CDPF1: variants seen among roughly 807,000 people sequenced by gnomAD.
CDPF1 encodes the protein cysteine-rich DPF motif domain-containing protein 1.
A neutral mutation model predicts 8.3 loss-of-function variants in CDPF1; 8 were observed. The ratio of observed to expected loss-of-function variants is 0.96; its 90% CI spans 0.57 to 1.74. The LOEUF is 1.74. Ranked by LOEUF, CDPF1 falls within the 40% of genes most tolerant of loss-of-function variation. The probability of loss-of-function intolerance (pLI) is 0.00; values close to 1 mark genes in which losing one functional copy is unlikely to be tolerated. For missense variants in CDPF1, 151 were observed against 155.3 expected, an observed-to-expected ratio of 0.97 and a Z score of 0.15; for synonymous variants, 62 against 62.9, an observed-to-expected ratio of 0.99 and a Z score of 0.07.
In CDPF1 at chr22:46,245,914, G is replaced by C. The variant is rs564709194; in HGVS notation, c.226-676C>G. Among the ~76,000 whole-genome samples the C allele has an allele frequency of 6.6e-6, 1 of 152,154 alleles. No individual in the cohort carries two copies. Among genetic ancestry groups the C allele is most frequent in the South Asian group, 2.1e-4 (1 of 4,824 alleles). Reference sequence around the variant, plus strand: ...GGACTGTGCTCTCACGTCCCTTCCCGCTGCCTGGGATGCAAATATGATGGT... The same window carrying C: ...GGACTGTGCTCTCACGTCCCTTCCCCCTGCCTGGGATGCAAATATGATGGT... On this transcript the variant is annotated intron_variant, in intron 3 of 3. Coordinates refer to ENST00000314567, the MANE Select transcript of CDPF1 (RefSeq NM_207327.5). This position sits in a 1 kb window ranked among gnomAD's most constrained non-coding sequence, Gnocchi z 6.9.
chr22:46,247,227 G>A lies in CDPF1; in HGVS notation c.114-6C>T, dbSNP rs200364193. 4,432 of 1,594,436 alleles carry A rather than the reference G, an allele frequency of 2.8e-3. 17 individuals are homozygous for A. Among genetic ancestry groups the A allele is most frequent in the Middle Eastern group, 0.02 (121 of 6,022 alleles). ...CATAGCTTTCCTCCAGGAGGCTGCA[G>A]GAGAGTGAATGCAGCGTCAGAACAG... On this transcript the variant is annotated splice_region_variant and splice_polypyrimidine_tract_variant and intron_variant, in intron 2 of 3. Transcript: ENST00000314567. The surrounding 1 kb of genome is among the most constrained non-coding windows in gnomAD (Gnocchi z 4.3).
rs1040293028 is a variant in CDPF1, at chr22:46,246,692, G to A, written c.225+418C>T. On this transcript the variant is annotated intron_variant, in intron 3 of 3. Transcript: ENST00000314567. This position sits in a 1 kb window ranked among gnomAD's most constrained non-coding sequence, Gnocchi z 7.1. ...CTTTACCTGACTAAGGGGCAGGACT[G>A]AATGAAGCCTCAGCAGTAAAACAGG... The A allele has an allele frequency of 5.7e-6, 9 of 1,588,092 alleles. No homozygotes were observed. In the African/African-American group the frequency reaches 1.1e-4, roughly 19 times the overall value.
At chr22:46,250,081 C>T (rs2147769052) in intron 1 of CDPF1, among the ~76,000 whole-genome samples, 175 bp downstream of exon 1, 1 of 152,352 alleles carries the variant, frequency 6.6e-6, no homozygotes, top group East Asian at 1.9e-4. Flanking sequence ...GGCCCACACC[C>T]CGCTTCTCGG....
In CDPF1 at chr22:46,244,869, T is replaced by G; in HGVS notation, c.*223A>C. On this transcript the variant is annotated 3_prime_UTR_variant, in exon 4 of 4. Transcript: ENST00000314567. This position sits in a 1 kb window ranked among gnomAD's most constrained non-coding sequence, Gnocchi z 6.7. Reference sequence around the variant, plus strand: ...GGGGGGACCTGGCCGGGTTCCTGGCTGTGTCTTGTCTGGCATCTGCCTTTG... The same window carrying G: ...GGGGGGACCTGGCCGGGTTCCTGGCGGTGTCTTGTCTGGCATCTGCCTTTG... The G allele has an allele frequency of 1.8e-6, 1 of 550,104 alleles. No homozygotes were observed. The highest frequency in any genetic ancestry group is 3.2e-6 in the Non-Finnish European group (1 of 310,586). 34.1% of individuals were successfully genotyped at this position (550,104 alleles called of 1,614,324 possible). A position where few individuals can be genotyped will look rare whatever the true frequency, so the allele number is the denominator to read the frequency against.
Position 46,248,220 on chromosome 22 carries a change from G to C in CDPF1, c.65C>G (p.Ala22Gly). 5 of 1,613,856 alleles carry C rather than the reference G, an allele frequency of 3.1e-6. No individual in the cohort carries two copies. Among genetic ancestry groups the C allele is most frequent in the Non-Finnish European group, 4.2e-6 (5 of 1,179,888 alleles). ...CTTCTGTCCCACATAGCTGTACGGAGCTGTCAAGGTACAGAGTTCACACTC... is the reference window on the plus strand; with the variant it reads ...CTTCTGTCCCACATAGCTGTACGGACCTGTCAAGGTACAGAGTTCACACTC... ...VFECELCTLT[A>G]PYSYVGQKPP... Residue 22 changes from alanine to glycine, a missense_variant, in exon 2 of 4, where the codon GCT becomes GGT. Coordinates refer to ENST00000314567, the MANE Select transcript of CDPF1 (RefSeq NM_207327.5). This position sits in a 1 kb window ranked among gnomAD's most constrained non-coding sequence, Gnocchi z 4.1.
At position 46,247,036 on chromosome 22, in the gene CDPF1, C is replaced by A. The variant is rs901291251; in HGVS notation, c.225+74G>T. 1 of 1,373,156 alleles carries A rather than the reference C, an allele frequency of 7.3e-7. No homozygotes were observed. Among genetic ancestry groups the A allele is most frequent in the Non-Finnish European group, 1.0e-6 (1 of 981,100 alleles). 85.1% of individuals were successfully genotyped at this position (1,373,156 alleles called of 1,614,324 possible). A position where few individuals can be genotyped will look rare whatever the true frequency, so the allele number is the denominator to read the frequency against. On this transcript the variant is annotated intron_variant, in intron 3 of 3. Transcript: ENST00000314567. The surrounding 1 kb of genome is among the most constrained non-coding windows in gnomAD (Gnocchi z 4.3). ...GAACCCGCTGCTCCCTCTCTCCCAG[C>A]CCTCCCTACCCAGGGAGAGCTCCAG...
rs895095217 is a variant in CDPF1, at chr22:46,245,281, A to C, written c.226-43T>G. ...GGATGGAGGCTTGAGTATCCTGGGAACATGGTGCAGCTCCTCCCAGGGGCC... is the reference window on the plus strand; with the variant it reads ...GGATGGAGGCTTGAGTATCCTGGGACCATGGTGCAGCTCCTCCCAGGGGCC... On this transcript the variant is annotated intron_variant, in intron 3 of 3. Coordinates refer to ENST00000314567, the MANE Select transcript of CDPF1 (RefSeq NM_207327.5). This position sits in a 1 kb window ranked among gnomAD's most constrained non-coding sequence, Gnocchi z 6.9. The C allele has an allele frequency of 1.9e-6, 3 of 1,604,768 alleles. No homozygotes were observed. Among genetic ancestry groups the C allele is most frequent in the South Asian group, 2.2e-5 (2 of 90,386 alleles).
chr22:46,245,207 C>A lies in CDPF1; in HGVS notation c.257G>T (p.Cys86Phe), dbSNP rs567116470. 1.9e-6 allele frequency: 3 copies of A among 1,614,212 alleles called. No individual in the cohort carries two copies. The African/African-American group carries it at 4.0e-5, about 22-fold the overall frequency. ...GATGTTCTCCCGGACACAAGGGAGGCAGAATCTCTTGGAGTAGAATAAACT... is the reference window on the plus strand; with the variant it reads ...GATGTTCTCCCGGACACAAGGGAGGAAGAATCTCTTGGAGTAGAATAAACT... ...ECSLFYSKRF[C>F]LPCVRENINA... is the part of the protein sequence containing the mutation. The change falls in exon 4 of 4, where the codon TGC becomes TTC. Residue 86 changes from cysteine to phenylalanine, a missense_variant. Coordinates refer to ENST00000314567, the MANE Select transcript of CDPF1 (RefSeq NM_207327.5). The surrounding 1 kb of genome is among the most constrained non-coding windows in gnomAD (Gnocchi z 6.9).
rs1394435158 is a variant in CDPF1 at position 46,249,421 on chromosome 22, G to C, written c.-1+835C>G. ...CCCAGCACTCTGGTAGCCAGAGGCGGGCGGATTACCTGAGGTCAGGAGTTC... is the reference window on the plus strand; with the variant it reads ...CCCAGCACTCTGGTAGCCAGAGGCGCGCGGATTACCTGAGGTCAGGAGTTC... On this transcript the variant is annotated intron_variant, in intron 1 of 3. Coordinates refer to ENST00000314567, the MANE Select transcript of CDPF1 (RefSeq NM_207327.5). This position sits in a 1 kb window ranked among gnomAD's most constrained non-coding sequence, Gnocchi z 4.6. 6.6e-6 allele frequency among the ~76,000 whole-genome samples: 1 copy of C among 152,150 alleles called. No individual in the cohort carries two copies. Among genetic ancestry groups the C allele is most frequent in the Non-Finnish European group, 1.5e-5 (1 of 68,024 alleles).
rs368537877 is a variant in CDPF1 at position 46,247,234 on chromosome 22, GA to G, written c.114-14del. ...TTCCTCCAGGAGGCTGCAGGAGAGT[GA>G]ATGCAGCGTCAGAACAGCCCAAATC... On this transcript the variant is annotated splice_polypyrimidine_tract_variant and intron_variant, in intron 2 of 3. Transcript: ENST00000314567. This position sits in a 1 kb window ranked among gnomAD's most constrained non-coding sequence, Gnocchi z 4.3. The G allele has an allele frequency of 0.071, 111,914 of 1,569,378 alleles. 5,876 individuals are homozygous for G. Among genetic ancestry groups the G allele is most frequent in the African/African-American group, 0.27 (20,131 of 74,116 alleles).
chr22:46,248,114 C>T lies in CDPF1; in HGVS notation c.113+58G>A, dbSNP rs1936519405. 2 of 1,248,950 alleles carry T rather than the reference C, an allele frequency of 1.6e-6. No homozygotes were observed. The highest frequency in any genetic ancestry group is 3.6e-5 in the Admixed American group (2 of 55,536). The allele number at this position is 1,248,950 out of a possible 1,614,324, so 77.4% of individuals were successfully genotyped here. ...AGTTGTCAGACCTAGGCACACCACC[C>T]ACCAACCAGCACTGGGCACAGGCCT... On this transcript the variant is annotated intron_variant, in intron 2 of 3. Coordinates refer to ENST00000314567, the MANE Select transcript of CDPF1 (RefSeq NM_207327.5). The surrounding 1 kb of genome is among the most constrained non-coding windows in gnomAD (Gnocchi z 4.1).
In CDPF1 at chr22:46,247,688, G is replaced by C. The variant is rs1936512625; in HGVS notation, c.114-467C>G. Among the ~76,000 whole-genome samples, 1 of 152,194 alleles carries C rather than the reference G, an allele frequency of 6.6e-6. No individual in the cohort carries two copies. On this transcript the variant is annotated intron_variant, in intron 2 of 3. Transcript: ENST00000314567. This position sits in a 1 kb window ranked among gnomAD's most constrained non-coding sequence, Gnocchi z 4.3. ...GACACTCAGGCTCCTGGTCAGCAGA[G>C]GGACGACAGCCAGAAGGAAAAAGCC... is the stretch of plus-strand genomic sequence containing the variant.
chr22:46,249,672 A>G lies in CDPF1; in HGVS notation c.-1+584T>C, dbSNP rs1339921384. ...TCAAAAAAATAAAAATTAAAATTAA[A>G]TAAAATAAAATATTAGCCGGGCGTG... is the stretch of plus-strand genomic sequence containing the variant. On this transcript the variant is annotated intron_variant, in intron 1 of 3. Coordinates refer to ENST00000314567, the MANE Select transcript of CDPF1 (RefSeq NM_207327.5). The surrounding 1 kb of genome is among the most constrained non-coding windows in gnomAD (Gnocchi z 4.6). 6.7e-6 allele frequency among the ~76,000 whole-genome samples: 1 copy of G among 149,796 alleles called. No individual in the cohort carries two copies. The highest frequency in any genetic ancestry group is 1.5e-5 in the Non-Finnish European group (1 of 67,668).
In CDPF1 at chr22:46,247,305, A is replaced by G; in HGVS notation, c.114-84T>C. 6 of 905,590 alleles carry G rather than the reference A, an allele frequency of 6.6e-6. No individual in the cohort carries two copies. In the South Asian group the frequency reaches 8.5e-5, roughly 13 times the overall value. The allele number at this position is 905,590 out of a possible 1,614,324, so 56.1% of individuals were successfully genotyped here. A position where few individuals can be genotyped will look rare whatever the true frequency, so the allele number is the denominator to read the frequency against. ...CCATGACCTATGGCCAGGCAGCAGC[A>G]GCCTGCACCTCTGCAGGGCCTGCAT... On this transcript the variant is annotated intron_variant, in intron 2 of 3. Transcript: ENST00000314567. The surrounding 1 kb of genome is among the most constrained non-coding windows in gnomAD (Gnocchi z 4.3).
chr22:46,246,642 A>G lies in CDPF1; in HGVS notation c.225+468T>C, dbSNP rs751344346. 12 of 1,546,552 alleles carry G rather than the reference A, an allele frequency of 7.8e-6. No individual in the cohort carries two copies. The South Asian group carries it at 1.4e-4, about 18-fold the overall frequency. On this transcript the variant is annotated intron_variant, in intron 3 of 3. Transcript: ENST00000314567. The surrounding 1 kb of genome is among the most constrained non-coding windows in gnomAD (Gnocchi z 7.1). ...TCTCTGAAGCTCAGTTCCCTCATCT[A>G]TAAAATGGGTGGAATATAATACTGC...
chr22:46,249,778 TG>T lies in CDPF1; in HGVS notation c.-1+477del, dbSNP rs926866610. On this transcript the variant is annotated intron_variant, in intron 1 of 3. Transcript: ENST00000314567. The surrounding 1 kb of genome is among the most constrained non-coding windows in gnomAD (Gnocchi z 4.6). Reference sequence around the variant, plus strand: ...GAGCGGGGGGTTGGGGAGCGGGGGCTGGGGGGGCGGAGGTTGCGGTGAGCCG... The same window carrying T: ...GAGCGGGGGGTTGGGGAGCGGGGGCTGGGGGGCGGAGGTTGCGGTGAGCCG... 4.9e-5 allele frequency among the ~76,000 whole-genome samples: 1 copy of T among 20,464 alleles called. No homozygotes were observed. Among genetic ancestry groups the T allele is most frequent in the East Asian group, 1.5e-3 (1 of 676 alleles). 13.4% of individuals were successfully genotyped at this position (20,464 alleles called of 152,430 possible). A position where few individuals can be genotyped will look rare whatever the true frequency, so the allele number is the denominator to read the frequency against.
chr22:46,244,699 G>T lies in CDPF1; in HGVS notation c.*393C>A. On this transcript the variant is annotated 3_prime_UTR_variant, in exon 4 of 4. Coordinates refer to ENST00000314567, the MANE Select transcript of CDPF1 (RefSeq NM_207327.5). The surrounding 1 kb of genome is among the most constrained non-coding windows in gnomAD (Gnocchi z 6.7). ...AGAGAGACCATTGCAGCCACCTACA[G>T]TGCACCATGGCCCCGACACAGTGTG... The T allele has an allele frequency of 4.7e-6, 1 of 214,140 alleles. No individual in the cohort carries two copies. The highest frequency in any genetic ancestry group is 9.5e-6 in the Non-Finnish European group (1 of 105,630). The allele number at this position is 214,140 out of a possible 1,614,324, so 13.3% of individuals were successfully genotyped here.
Position 46,246,532 on chromosome 22 carries a change from C to T in CDPF1, c.225+578G>A, listed in dbSNP as rs1936492096. On this transcript the variant is annotated intron_variant, in intron 3 of 3. Transcript: ENST00000314567. The surrounding 1 kb of genome is among the most constrained non-coding windows in gnomAD (Gnocchi z 7.1). ...AGACTCTGGGGTCACTCTGAGTACA[C>T]TGGGCACGCTGTGAAAGCCATGCTG... 4 of 1,022,710 alleles carry T rather than the reference C, an allele frequency of 3.9e-6. No individual in the cohort carries two copies. Among genetic ancestry groups the T allele is most frequent in the African/African-American group, 1.6e-5 (1 of 61,766 alleles). The allele number at this position is 1,022,710 out of a possible 1,614,324, so 63.4% of individuals were successfully genotyped here.
chr22:46,246,430 C>A lies in CDPF1; in HGVS notation c.225+680G>T, dbSNP rs567691831. Among the ~76,000 whole-genome samples, 3 of 152,314 alleles carry A rather than the reference C, an allele frequency of 2.0e-5. No homozygotes were observed. In the East Asian group the frequency reaches 5.8e-4, roughly 29 times the overall value. ...ACTGCGGAGGCTCCTCCCACCCTGG[C>A]CCATCTCGTCCCCCTGGCTATTGAT... is the stretch of plus-strand genomic sequence containing the variant. On this transcript the variant is annotated intron_variant, in intron 3 of 3. Coordinates refer to ENST00000314567, the MANE Select transcript of CDPF1 (RefSeq NM_207327.5). This position sits in a 1 kb window ranked among gnomAD's most constrained non-coding sequence, Gnocchi z 7.1.
Sources: gnomAD v4.1 joint callset for allele counts (sites outside exome capture counted in the v4.1 genomes callset) on GRCh38, gnomAD v4.1.1 for gene constraint, Gnocchi (gnomAD v3.1) non-coding constraint, MANE v1.5 for transcripts, NCBI Gene and HGNC (gene_info 2026-07-23, HGNC 2026-07-21) for gene names.